The following TCF7L2 variants were observed in gnomAD, a reference collection of about 807,000 sequenced individuals.
TCF7L2 encodes the protein transcription factor 7 like 2.
A neutral mutation model predicts 77.9 loss-of-function variants in TCF7L2; 23 were observed. The observed-to-expected ratio is 0.30, with a 90% CI of 0.21 to 0.42. The LOEUF (loss-of-function observed/expected upper bound fraction) is 0.42. Among genes scored for constraint, TCF7L2 ranks in the 10% least tolerant of loss-of-function variants. TCF7L2 has a pLI of 1.00. For synonymous variants in TCF7L2, 413 were observed against 340.2 expected, an observed-to-expected ratio of 1.21 and a Z score of -2.36; for missense variants, 654 against 793.1, an observed-to-expected ratio of 0.82 and a Z score of 2.11.
chr10:113,118,520 G>GTGTGTGTGTGTGTGTGTGTGTGTGT (rs1555084612), intron 5 of TCF7L2, among the ~76,000 whole-genome samples: 6 of 141,442 alleles, frequency 4.2e-5, no homozygotes, highest in African/African-American at 1.3e-4. Context: ...TCATCTGGGG[G>GTGTGTGTGTGTGTGTGTGTGTGTGT]GTGTGTGTGT....
rs887581152 is a variant in TCF7L2 at position 112,961,175 on chromosome 10, G to A, written c.382-3381G>A. Among the ~76,000 whole-genome samples the A allele has an allele frequency of 4.9e-5, 7 of 141,478 alleles. No individual in the cohort carries two copies. In the East Asian group the frequency reaches 6.4e-4, roughly 13 times the overall value. 92.8% of individuals were successfully genotyped at this position (141,478 alleles called of 152,430 possible). On this transcript the variant is annotated intron_variant, in intron 3 of 13. Coordinates refer to ENST00000627217, the MANE Select transcript of TCF7L2 (RefSeq NM_001146274.2). ...ATTACAGGAATGCGCCACCACGCCC[G>A]GCTAATTTTTGTATTTTTTAGTAGA...
chr10:113,051,244 G>C (rs72826098), intron 5 of TCF7L2, among the ~76,000 whole-genome samples: 7,255 of 75,292 alleles, frequency 0.096, 492 homozygotes, highest in African/African-American at 0.25. Flanking sequence ...CACACACACA[G>C]ACACATACAT....
At chr10:112,977,777 G>T (rs537296973) in intron 4 of TCF7L2, among the ~76,000 whole-genome samples, 2 of 152,276 alleles carry the variant, frequency 1.3e-5, no homozygotes, top group East Asian at 1.9e-4. Context: ...TGCCGATGCC[G>T]CAGGCCACTC....
chr10:113,016,986 A>C (rs372987169), intron 4 of TCF7L2, among the ~76,000 whole-genome samples: 61 of 152,244 alleles, frequency 4.0e-4, no homozygotes, highest in African/African-American at 1.5e-3. Flanking sequence ...CTTGAGGCTC[A>C]TGTCCAGTTT....
intron 4 of TCF7L2, among the ~76,000 whole-genome samples, chr10:113,000,115 A>C (rs1330654537): frequency 6.6e-6 from 1 of 152,188 alleles, no homozygotes; most frequent in East Asian, 1.9e-4. Context: ...AGTTAAAGAA[A>C]ATCTGCAATG....
At chr10:113,026,565 T>C (rs2133976279) in intron 4 of TCF7L2, among the ~76,000 whole-genome samples, 1 of 152,350 alleles carries the variant, frequency 6.6e-6, no homozygotes, top group Non-Finnish European at 1.5e-5. Flanking sequence ...GCCCAGGAGC[T>C]GGGTCAGATA....
At chr10:113,012,882 T>G (rs2046690561) in intron 4 of TCF7L2, among the ~76,000 whole-genome samples, 1 of 152,220 alleles carries the variant, frequency 6.6e-6, no homozygotes, top group Non-Finnish European at 1.5e-5. Flanking sequence ...AATCAGTAAG[T>G]GCTGACTGAC....
intron 5 of TCF7L2, among the ~76,000 whole-genome samples, chr10:113,131,092 G>GT (rs1219701975): frequency 6.6e-6 from 1 of 152,170 alleles, no homozygotes; most frequent in Non-Finnish European, 1.5e-5. Flanking sequence ...GCCACAAGCT[G>GT]TAAGAGGATT....
At position 113,151,192 on chromosome 10, in the gene TCF7L2, G is replaced by T. The variant is rs2070675927; in HGVS notation, c.1001+69G>T. 6.2e-7 allele frequency: 1 copy of T among 1,605,270 alleles called. No individual in the cohort carries two copies. Among genetic ancestry groups the T allele is most frequent in the Non-Finnish European group, 8.5e-7 (1 of 1,174,390 alleles). On this transcript the variant is annotated intron_variant, in intron 9 of 13. Transcript: ENST00000627217. The surrounding 1 kb of genome is among the most constrained non-coding windows in gnomAD (Gnocchi z 5.2). Reference sequence around the variant, plus strand: ...TCTGCAAGCCTGTTGCAGCTGCTGGGTGGTGGCTTTCTGCCTAAGGTTGGC... The same window carrying T: ...TCTGCAAGCCTGTTGCAGCTGCTGGTTGGTGGCTTTCTGCCTAAGGTTGGC...
intron 5 of TCF7L2, among the ~76,000 whole-genome samples, chr10:113,109,746 G>A (rs1202233930): frequency 2.0e-5 from 3 of 152,200 alleles, no homozygotes; most frequent in African/African-American, 7.2e-5. Context: ...TAAGCATCCT[G>A]ACATCTGGTG....
intron 5 of TCF7L2, among the ~76,000 whole-genome samples, chr10:113,121,432 G>A (rs1380714828): frequency 6.6e-6 from 1 of 152,194 alleles, no homozygotes; most frequent in African/African-American, 2.4e-5. Context: ...CAGCACTGTG[G>A]CTTTTCCCTC....
intron 4 of TCF7L2, among the ~76,000 whole-genome samples, chr10:112,979,813 A>G (rs1029719866): frequency 2.0e-5 from 3 of 152,138 alleles, no homozygotes; most frequent in African/African-American, 7.2e-5. Context: ...ATGTTTCAAC[A>G]CTATGAATTC....
chr10:113,056,548 A>T (rs1208090360), intron 5 of TCF7L2, among the ~76,000 whole-genome samples: 2 of 152,298 alleles, frequency 1.3e-5, no homozygotes, highest in East Asian at 3.9e-4. Context: ...TCTGATGCTG[A>T]GTAATCACCC....
intron 5 of TCF7L2, among the ~76,000 whole-genome samples, chr10:113,106,393 C>G (rs74157215): frequency 0.023 from 3,466 of 152,310 alleles, 145 homozygotes; most frequent in African/African-American, 0.079. Context: ...TGGTTTTCCT[C>G]TTTCCCCTCG....
intron 5 of TCF7L2, among the ~76,000 whole-genome samples, chr10:113,043,689 C>T (rs2052888450): frequency 6.6e-6 from 1 of 152,130 alleles, no homozygotes; most frequent in African/African-American, 2.4e-5. Context: ...ACCCCCCAGC[C>T]TCCCCAGTCC....
intron 3 of TCF7L2, among the ~76,000 whole-genome samples, chr10:112,952,475 C>G (rs996088167): frequency 1.6e-4 from 25 of 152,154 alleles, no homozygotes; most frequent in African/African-American, 6.0e-4. Context: ...GCCCCTGCGG[C>G]CCGGATTCTT....
chr10:113,017,513 A>T (rs913205604), intron 4 of TCF7L2, among the ~76,000 whole-genome samples: 4 of 152,202 alleles, frequency 2.6e-5, no homozygotes, highest in Admixed American at 2.0e-4. Context: ...TCTTGGGGGA[A>T]CCCTGTGTTC....
chr10:113,023,331 C>A (rs891501103), intron 4 of TCF7L2, among the ~76,000 whole-genome samples: 2 of 152,150 alleles, frequency 1.3e-5, no homozygotes, highest in African/African-American at 4.8e-5. Flanking sequence ...CGCAGCAAGA[C>A]CTCGTTAAGT....
At chr10:113,102,674 C>G (rs1277896092) in intron 5 of TCF7L2, among the ~76,000 whole-genome samples, 4 of 152,080 alleles carry the variant, frequency 2.6e-5, no homozygotes, top group Non-Finnish European at 5.9e-5. Context: ...GATCTGTCTT[C>G]CTCGGCCCCT....
Sources: gnomAD v4.1 joint callset for allele counts (sites outside exome capture counted in the v4.1 genomes callset) on GRCh38, gnomAD v4.1.1 for gene constraint, Gnocchi (gnomAD v3.1) non-coding constraint, MANE v1.5 for transcripts, NCBI Gene and HGNC (gene_info 2026-07-23, HGNC 2026-07-21) for gene names.